Variants in WWOX observed in about 807,000 individuals in gnomAD.
WWOX encodes WW domain containing oxidoreductase, also known as WW domain-containing oxidoreductase.
WWOX carries 69 observed loss-of-function variants against 46.2 expected under a neutral mutation model. That is an observed-to-expected ratio of 1.49 (90% CI 1.23 to 1.82). The LOEUF (loss-of-function observed/expected upper bound fraction) is 1.82. WWOX is among the 40% of genes most tolerant of loss of function. The pLI, the probability that WWOX is intolerant of heterozygous loss-of-function variation, is 0.00. For synonymous variants in WWOX, 359 were observed against 202.6 expected, an observed-to-expected ratio of 1.77 and a Z score of -6.56; for missense variants, 919 against 542.6, an observed-to-expected ratio of 1.69 and a Z score of -6.89.
intron 8 of WWOX, among the ~76,000 whole-genome samples, chr16:78,793,832 T>C (rs1259462441): frequency 2.6e-5 from 4 of 151,924 alleles, no homozygotes; most frequent in Non-Finnish European, 5.9e-5. Flanking sequence ...TCCCAGCACG[T>C]TGGGAGGCCG....
chr16:78,730,332 C>G (rs1407240134), intron 8 of WWOX, among the ~76,000 whole-genome samples: 1 of 152,054 alleles, frequency 6.6e-6, no homozygotes, highest in Non-Finnish European at 1.5e-5. Flanking sequence ...TCCTTTTCTT[C>G]CCATTTCCTT....
chr16:78,553,217 C>G (rs750568601), intron 8 of WWOX: 1 of 152,216 alleles, frequency 6.6e-6, no homozygotes, highest in East Asian at 1.9e-4. Context: ...GTGCAGCAAA[C>G]CACCATGGCA....
intron 8 of WWOX, among the ~76,000 whole-genome samples, chr16:78,588,577 CAGTT>C (rs1203072161): frequency 6.6e-6 from 1 of 152,090 alleles, no homozygotes; most frequent in Non-Finnish European, 1.5e-5. Flanking sequence ...CCTGGAGGAC[CAGTT>C]AGTCTATTTT....
At chr16:78,207,652 G>A (rs762061995) in intron 5 of WWOX, among the ~76,000 whole-genome samples, 1 of 151,188 alleles carries the variant, frequency 6.6e-6, no homozygotes, top group African/African-American at 2.4e-5. Flanking sequence ...TGTAGCATCT[G>A]CTATATCCGG....
At chr16:78,780,714 G>C (rs1411002593) in intron 8 of WWOX, among the ~76,000 whole-genome samples, 1 of 152,164 alleles carries the variant, frequency 6.6e-6, no homozygotes, top group Non-Finnish European at 1.5e-5. Flanking sequence ...CGGAAGTGCA[G>C]GGTCCCTGAG....
In WWOX at chr16:79,046,248, C is replaced by G. The variant is rs191686777; in HGVS notation, c.1057-165360C>G. Among the ~76,000 whole-genome samples, 41 of 152,326 alleles carry G rather than the reference C, an allele frequency of 2.7e-4. No individual in the cohort carries two copies. In the East Asian group the frequency reaches 6.9e-3, roughly 26 times the overall value. ...TTTAGTTCATTTTCTCTGCATTTGT[C>G]TAACTCCCTTTTTTCCCTTGAACTG... On this transcript the variant is annotated intron_variant, in intron 8 of 8. Transcript: ENST00000566780.
intron 5 of WWOX, among the ~76,000 whole-genome samples, chr16:78,255,155 T>A (rs1417929028): frequency 1.2e-4 from 18 of 152,216 alleles, no homozygotes; most frequent in Non-Finnish European, 1.5e-5. Flanking sequence ...CCATTTAATG[T>A]TTGCCATAAC....
intron 8 of WWOX, among the ~76,000 whole-genome samples, chr16:78,973,592 T>G (rs2046514476): frequency 6.6e-6 from 1 of 152,226 alleles, no homozygotes; most frequent in Admixed American, 6.5e-5. Flanking sequence ...TCTTTCTGTC[T>G]CAGTCTCTCA....
chr16:78,398,144 C>T (rs977295229), intron 6 of WWOX, among the ~76,000 whole-genome samples: 14 of 152,158 alleles, frequency 9.2e-5, no homozygotes, highest in Non-Finnish European at 1.9e-4. Flanking sequence ...AAATTGATGG[C>T]GTGATCACTC....
intron 8 of WWOX, among the ~76,000 whole-genome samples, chr16:79,186,781 G>C (rs1356219713): frequency 6.6e-6 from 1 of 152,000 alleles, no homozygotes; most frequent in Non-Finnish European, 1.5e-5. Context: ...CCTCACGCTA[G>C]CATTTCTAGT....
At chr16:78,747,998 C>G (rs914317875) in intron 8 of WWOX, among the ~76,000 whole-genome samples, 4 of 152,176 alleles carry the variant, frequency 2.6e-5, no homozygotes, top group Non-Finnish European at 4.4e-5. Flanking sequence ...CTAAGAAACT[C>G]CAAGTCCATC....
chr16:79,001,057 A>G (rs1022451689), intron 8 of WWOX, among the ~76,000 whole-genome samples: 21 of 152,332 alleles, frequency 1.4e-4, no homozygotes, highest in African/African-American at 5.1e-4. Context: ...CAATAAATAC[A>G]TTAATTAATT....
intron 8 of WWOX, among the ~76,000 whole-genome samples, chr16:78,871,217 C>T (rs552072859): frequency 2.5e-4 from 38 of 151,550 alleles, no homozygotes; most frequent in Admixed American, 6.6e-4. Context: ...TAAAAACCCC[C>T]GCTGCTGTCC....
At chr16:78,388,641 G>A (rs1467370228) in intron 6 of WWOX, among the ~76,000 whole-genome samples, 3 of 62,424 alleles carry the variant, frequency 4.8e-5, no homozygotes, top group Non-Finnish European at 8.4e-5. Context: ...TTGAGACTCC[G>A]TCTCAAAAAA....
chr16:78,322,292 A>G (rs1264302822), intron 5 of WWOX, among the ~76,000 whole-genome samples: 1 of 152,124 alleles, frequency 6.6e-6, no homozygotes, highest in Non-Finnish European at 1.5e-5. Flanking sequence ...ATTAGCCAGC[A>G]TTAAGGGGAA....
chr16:78,914,585 A>G lies in WWOX; in HGVS notation c.1057-297023A>G, dbSNP rs1033474566. Reference sequence around the variant, plus strand: ...AAGAACTTTTAGGCACTGTGAGTATAAGAGGGAAACCAGGCCGGGAGCAGC... The same window carrying G: ...AAGAACTTTTAGGCACTGTGAGTATGAGAGGGAAACCAGGCCGGGAGCAGC... On this transcript the variant is annotated intron_variant, in intron 8 of 8. Coordinates refer to ENST00000566780, the MANE Select transcript of WWOX (RefSeq NM_016373.4). Among the ~76,000 whole-genome samples the G allele has an allele frequency of 2.6e-5, 4 of 151,966 alleles. No individual in the cohort carries two copies. The South Asian group carries it at 6.2e-4, about 24-fold the overall frequency.
At chr16:78,167,159 A>G (rs920234958) in intron 5 of WWOX, 2 of 152,214 alleles carry the variant, frequency 1.3e-5, no homozygotes, top group African/African-American at 4.8e-5. Flanking sequence ...AACACAATAT[A>G]TATGAGAACA....
At chr16:78,672,890 T>C (rs1174555772) in intron 8 of WWOX, among the ~76,000 whole-genome samples, 1 of 152,164 alleles carries the variant, frequency 6.6e-6, no homozygotes, top group Non-Finnish European at 1.5e-5. Flanking sequence ...AGTAAAGCAA[T>C]ACATCCTGAT....
chr16:78,192,999 G>A (rs1156511078), intron 5 of WWOX, among the ~76,000 whole-genome samples: 2 of 152,218 alleles, frequency 1.3e-5, no homozygotes, highest in Non-Finnish European at 2.9e-5. Context: ...GCTGAGGGTT[G>A]GCCGTGGCTC....
Sources: allele counts gnomAD v4.1 joint callset (sites outside exome capture counted in the v4.1 genomes callset), GRCh38; gene constraint gnomAD v4.1.1; transcripts MANE v1.5; gene names NCBI Gene and HGNC (gene_info 2026-07-23, HGNC 2026-07-21).